NME7: variants seen among roughly 807,000 people sequenced by gnomAD.
NME7 encodes the protein NME/NM23 family member 7.
Under a neutral mutation model 49.1 loss-of-function variants are expected in NME7, and 41 were observed. The observed-to-expected ratio is 0.83, with a 90% CI of 0.65 to 1.08. The LOEUF (loss-of-function observed/expected upper bound fraction) is 1.08. Ranked by LOEUF, NME7 falls within the 50% of genes least tolerant of loss-of-function variation. NME7 has a pLI of 0.00. For synonymous variants in NME7, 139 were observed against 150.6 expected, an observed-to-expected ratio of 0.92 and a Z score of 0.56; for missense variants, 423 against 463.4, an observed-to-expected ratio of 0.91 and a Z score of 0.80.
At chr1:169,307,386 A>G (rs1180285279) in intron 4 of NME7, among the ~76,000 whole-genome samples, 1 of 152,232 alleles carries the variant, frequency 6.6e-6, no homozygotes, top group East Asian at 1.9e-4. Context: ...TCAGAAGACT[A>G]TGGGAAAAGG....
intron 7 of NME7, among the ~76,000 whole-genome samples, chr1:169,251,193 T>C (rs1249609374): frequency 6.6e-6 from 1 of 152,130 alleles, no homozygotes; most frequent in Non-Finnish European, 1.5e-5. Context: ...TATAATATCT[T>C]CTTGTTGGAT....
intron 6 of NME7, among the ~76,000 whole-genome samples, chr1:169,287,843 G>A (rs1650338014): frequency 6.6e-6 from 1 of 152,068 alleles, no homozygotes; most frequent in Non-Finnish European, 1.5e-5. Context: ...TCAGGAATCT[G>A]AGAACTACAG....
chr1:169,132,918 C>A, intron 11 of NME7, 101 bp from the exon 12 acceptor site: 3 of 771,302 alleles, frequency 3.9e-6, no homozygotes, highest in Non-Finnish European at 4.4e-6. Context: ...CACTGGCATA[C>A]CCCTTCCCAA....
Position 169,223,064 on chromosome 1 carries a change from G to A in NME7, c.990+7654C>T, listed in dbSNP as rs770552688. Among the ~76,000 whole-genome samples the A allele has an allele frequency of 1.1e-3, 166 of 152,224 alleles. 1 individual carries two copies. Among genetic ancestry groups the A allele is most frequent in the Non-Finnish European group, 2.1e-3 (143 of 68,006 alleles). On this transcript the variant is annotated intron_variant, in intron 10 of 11. Transcript: ENST00000367811. The stretch of plus-strand genomic sequence containing the variant: ...TGCATTTAGATATCATGTCTCTTCA[G>A]TGTTTTTCAGTCCTGAACAGTTCCT...
At chr1:169,339,850 C>T (rs2101959638) in intron 1 of NME7, among the ~76,000 whole-genome samples, 1 of 152,288 alleles carries the variant, frequency 6.6e-6, no homozygotes, top group East Asian at 1.9e-4. Flanking sequence ...AACAGAGAGG[C>T]CAAGATATTT....
intron 7 of NME7, among the ~76,000 whole-genome samples, chr1:169,281,582 T>C (rs1377309451): frequency 6.6e-6 from 1 of 152,214 alleles, no homozygotes; most frequent in Non-Finnish European, 1.5e-5. Context: ...TGATATTGGC[T>C]GTGGGTTTGT....
chr1:169,343,718 C>T lies in NME7; in HGVS notation c.4-19218G>A, dbSNP rs553437699. ...CCATGTTGGCCGGGCTGGTCTCAAA[C>T]TCCTGACCTCAAGTGATCCTCCTGC... On this transcript the variant is annotated intron_variant, in intron 1 of 11. Transcript: ENST00000367811. Among the ~76,000 whole-genome samples, 3 of 152,248 alleles carry T rather than the reference C, an allele frequency of 2.0e-5. No individual in the cohort carries two copies. In the South Asian group the frequency reaches 6.2e-4, roughly 32 times the overall value.
chr1:169,254,099 C>T (rs1648777415), intron 7 of NME7, among the ~76,000 whole-genome samples: 1 of 149,426 alleles, frequency 6.7e-6, no homozygotes, highest in Non-Finnish European at 1.5e-5. Flanking sequence ...GGGAGGATTC[C>T]CTCTTTTTCT....
At chr1:169,367,052 G>C (rs1018442395) in intron 1 of NME7, among the ~76,000 whole-genome samples, 4 of 151,974 alleles carry the variant, frequency 2.6e-5, no homozygotes, top group Non-Finnish European at 5.9e-5. Context: ...CAAATACCGA[G>C]CTCCATTCCT....
chr1:169,331,631 C>T (rs545858812), intron 1 of NME7, among the ~76,000 whole-genome samples: 1 of 151,990 alleles, frequency 6.6e-6, no homozygotes, highest in Non-Finnish European at 1.5e-5. Flanking sequence ...TTGCAGGATA[C>T]GAAATCATAC....
At chr1:169,256,127 G>T (rs1200988167) in intron 7 of NME7, among the ~76,000 whole-genome samples, 1 of 133,208 alleles carries the variant, frequency 7.5e-6, no homozygotes, top group African/African-American at 2.5e-5. Context: ...CTAGATTGGG[G>T]AAGTTCTCCT....
rs185823924 is a variant in NME7, at chr1:169,266,983, G to A, written c.754+20320C>T. Among the ~76,000 whole-genome samples, 18 of 132,930 alleles carry A rather than the reference G, an allele frequency of 1.4e-4. 1 individual carries two copies. Among genetic ancestry groups the A allele is most frequent in the African/African-American group, 3.6e-4 (14 of 39,368 alleles). 87.2% of individuals were successfully genotyped at this position (132,930 alleles called of 152,430 possible). A position where few individuals can be genotyped will look rare whatever the true frequency, so the allele number is the denominator to read the frequency against. ...CTTGGGAGGCTGAGGCACAAGAATC[G>A]CTTGAACCTGGGAGGTGGAGGTTGC... On this transcript the variant is annotated intron_variant, in intron 7 of 11. Transcript: ENST00000367811.
chr1:169,244,812 C>T (rs1211502096), intron 7 of NME7, among the ~76,000 whole-genome samples: 1 of 151,812 alleles, frequency 6.6e-6, no homozygotes, highest in African/African-American at 2.4e-5. Flanking sequence ...TCTTTCCTGG[C>T]ATCAATATTT....
chr1:169,147,363 T>G (rs1311999132), intron 11 of NME7, among the ~76,000 whole-genome samples: 1 of 152,182 alleles, frequency 6.6e-6, no homozygotes, highest in Admixed American at 6.5e-5. Context: ...CTTGTTACAT[T>G]TAAGATCACA....
intron 7 of NME7, among the ~76,000 whole-genome samples, chr1:169,282,381 G>A (rs1418728678): frequency 1.3e-5 from 2 of 152,044 alleles, no homozygotes; most frequent in South Asian, 4.2e-4. Context: ...CTATTTTGAT[G>A]ATTTTTTCAA....
intron 6 of NME7, among the ~76,000 whole-genome samples, chr1:169,296,859 T>C (rs1290266551): frequency 6.6e-6 from 1 of 152,160 alleles, no homozygotes; most frequent in East Asian, 1.9e-4. Flanking sequence ...TATTTTAAAA[T>C]ATATTTGTAT....
intron 9 of NME7, 70 bp from the exon 10 acceptor site, chr1:169,230,889 C>G: frequency 9.8e-7 from 1 of 1,025,332 alleles, no homozygotes; most frequent in Non-Finnish European, 1.4e-6. Context: ...AATTGTTTCA[C>G]TGTTCCACTA....
chr1:169,229,960 T>TA lies in NME7; in HGVS notation c.990+757dup, dbSNP rs1021022044. Among the ~76,000 whole-genome samples, 646 of 139,116 alleles carry TA rather than the reference T, an allele frequency of 4.6e-3. 8 individuals are homozygous for TA. The highest frequency in any genetic ancestry group is 0.022 in the Admixed American group (304 of 13,862). The allele number at this position is 139,116 out of a possible 152,430, so 91.3% of individuals were successfully genotyped here. A position where few individuals can be genotyped will look rare whatever the true frequency, so the allele number is the denominator to read the frequency against. On this transcript the variant is annotated intron_variant, in intron 10 of 11. Coordinates refer to ENST00000367811, the MANE Select transcript of NME7 (RefSeq NM_013330.5). ...CTGGGCAACAGAGTGAGACTCCATC[T>TA]AAAAAAAAAAAAAATTAAAAATAAT...
At chr1:169,354,690 T>C (rs1653315756) in intron 1 of NME7, among the ~76,000 whole-genome samples, 1 of 142,772 alleles carries the variant, frequency 7.0e-6, no homozygotes, top group Non-Finnish European at 1.5e-5. Flanking sequence ...ATATTATATA[T>C]AGTGGGTATA....
Sources: allele counts gnomAD v4.1 joint callset (sites outside exome capture counted in the v4.1 genomes callset), GRCh38; gene constraint gnomAD v4.1.1; transcripts MANE v1.5; gene names NCBI Gene and HGNC (gene_info 2026-07-23, HGNC 2026-07-21).